CNTN3: variants seen among roughly 807,000 people sequenced by gnomAD.
CNTN3 encodes the protein contactin 3.
CNTN3 carries 60 observed loss-of-function variants against 119.1 expected under a neutral mutation model. The observed-to-expected ratio is 0.50, with a 90% CI of 0.41 to 0.62. The LOEUF (loss-of-function observed/expected upper bound fraction) is 0.62. Ranked by LOEUF, CNTN3 falls within the 20% of genes least tolerant of loss-of-function variation. The pLI is 0.00. For missense variants in CNTN3, 1,101 were observed against 1,242.4 expected (o/e 0.89, Z 1.71); for synonymous variants, 450 against 438.7 (o/e 1.03, Z -0.32).
chr3:74,543,425 T>C (rs950826483), intron 1 of CNTN3, among the ~76,000 whole-genome samples: 4 of 152,162 alleles, frequency 2.6e-5, no homozygotes, highest in African/African-American at 9.7e-5. Context: ...CTTATCTCTG[T>C]TTTCTAAAAG....
At chr3:74,438,537 G>T (rs1027862497) in intron 4 of CNTN3, among the ~76,000 whole-genome samples, 4 of 152,134 alleles carry the variant, frequency 2.6e-5, no homozygotes, top group African/African-American at 4.8e-5. Context: ...CTAAATTATT[G>T]CTTTCTCCTT....
chr3:74,551,754 CTTTTTTTTTTTTTTT>C (rs776621925), intron 1 of CNTN3, among the ~76,000 whole-genome samples: 980 of 60,292 alleles, frequency 0.016, 22 homozygotes, highest in Admixed American at 0.025. Context: ...TCTTCTTCTT[CTTTTTTTTTTTTTTT>C]TTTTTTTTTT....
chr3:74,434,667 A>G (rs1449407504), intron 4 of CNTN3, among the ~76,000 whole-genome samples: 1 of 152,244 alleles, frequency 6.6e-6, no homozygotes, highest in Non-Finnish European at 1.5e-5. Context: ...GTTCCCCATC[A>G]GTAAATTAAG....
intron 13 of CNTN3, among the ~76,000 whole-genome samples, chr3:74,327,105 C>CTTTTTTTTTTTTTTTT (rs1491284899): frequency 3.7e-3 from 339 of 90,670 alleles, no homozygotes; most frequent in East Asian, 5.1e-3. Context: ...AAGGGTTAAT[C>CTTTTTTTTTTTTTTTT]CTTTTTTTTT....
chr3:74,338,779 G>A (rs1703460961), intron 11 of CNTN3, among the ~76,000 whole-genome samples: 1 of 152,020 alleles, frequency 6.6e-6, no homozygotes, highest in Admixed American at 6.6e-5. Context: ...AAAAAGGTTT[G>A]AGAGCAATGA....
At chr3:74,460,313 C>A (rs4676969) in intron 4 of CNTN3, among the ~76,000 whole-genome samples, 107,554 of 151,772 alleles carry the variant, frequency 0.71, 38,478 homozygotes, top group African/African-American at 0.8. Flanking sequence ...CTAGCAAACA[C>A]AAAGACCTCC....
chr3:74,295,998 G>C (rs1056723340), intron 18 of CNTN3, among the ~76,000 whole-genome samples: 3 of 152,088 alleles, frequency 2.0e-5, no homozygotes, highest in African/African-American at 7.2e-5. Flanking sequence ...TTGGTTTGGA[G>C]AGTCGAGGAG....
intron 2 of CNTN3, 150 bp from the exon 3 acceptor site, chr3:74,499,935 T>A: frequency 1.4e-6 from 1 of 690,364 alleles, no homozygotes; most frequent in Non-Finnish European, 2.2e-6. Flanking sequence ...ATTGTTTTGT[T>A]AAAGGAAATC....
At chr3:74,579,066 A>C (rs970431477) in intron 1 of CNTN3, among the ~76,000 whole-genome samples, 1 of 152,016 alleles carries the variant, frequency 6.6e-6, no homozygotes, top group African/African-American at 2.4e-5. Context: ...AGGTTGAAAA[A>C]ATTTCCATGT....
chr3:74,345,817 C>T (rs943661981), intron 11 of CNTN3, among the ~76,000 whole-genome samples: 4 of 152,104 alleles, frequency 2.6e-5, no homozygotes, highest in Non-Finnish European at 4.4e-5. Context: ...TCATTTGTTA[C>T]CACAAAGCTC....
chr3:74,295,602 T>G (rs895374703), intron 18 of CNTN3, among the ~76,000 whole-genome samples: 5 of 152,114 alleles, frequency 3.3e-5, no homozygotes, highest in African/African-American at 1.2e-4. Context: ...AGACGCTACT[T>G]AGTTTTCATT....
chr3:74,456,749 A>G (rs941342076), intron 4 of CNTN3, among the ~76,000 whole-genome samples: 1 of 152,102 alleles, frequency 6.6e-6, no homozygotes, highest in Non-Finnish European at 1.5e-5. Context: ...TCAATAAAAA[A>G]TTGCTGTGAT....
At position 74,484,797 on chromosome 3, in the gene CNTN3, G is replaced by A. The variant is rs544643360; in HGVS notation, c.358+1659C>T. ...CAGAAGACAACAGAGCAAAACACTC[G>A]GAATTCTCTGTTAAACAGCTCCAAG... On this transcript the variant is annotated intron_variant, in intron 4 of 22. Coordinates refer to ENST00000263665, the MANE Select transcript of CNTN3 (RefSeq NM_020872.3). Among the ~76,000 whole-genome samples, 195 of 152,108 alleles carry A rather than the reference G, an allele frequency of 1.3e-3. 1 individual carries two copies. The highest frequency in any genetic ancestry group is 4.4e-3 in the African/African-American group (184 of 41,504).
At chr3:74,561,317 C>T (rs908139509) in intron 1 of CNTN3, among the ~76,000 whole-genome samples, 1 of 152,116 alleles carries the variant, frequency 6.6e-6, no homozygotes, top group Non-Finnish European at 1.5e-5. Context: ...GAACTTATTT[C>T]CCTGCTTAAA....
chr3:74,559,634 A>G (rs753981574), intron 1 of CNTN3, among the ~76,000 whole-genome samples: 2 of 151,950 alleles, frequency 1.3e-5, no homozygotes, highest in African/African-American at 2.4e-5. Context: ...AAAAAGCAGT[A>G]CTGAGCACAG....
chr3:74,327,776 TTTTTA>T (rs1703167287), intron 13 of CNTN3, among the ~76,000 whole-genome samples: 1 of 151,972 alleles, frequency 6.6e-6, no homozygotes, highest in African/African-American at 2.4e-5. Context: ...TTTAATTTCA[TTTTTA>T]TTTTAAATTA....
chr3:74,279,529 G>A (rs1442957866), intron 20 of CNTN3, among the ~76,000 whole-genome samples: 1 of 152,086 alleles, frequency 6.6e-6, no homozygotes, highest in Non-Finnish European at 1.5e-5. Context: ...TCTAAATGAA[G>A]TACCTCAGGA....
chr3:74,446,307 T>C (rs1702047359), intron 4 of CNTN3, among the ~76,000 whole-genome samples: 1 of 152,188 alleles, frequency 6.6e-6, no homozygotes, highest in African/African-American at 2.4e-5. Context: ...GTGACTTGCA[T>C]GCATTAATTG....
chr3:74,349,418 C>T (rs771012643), intron 11 of CNTN3, among the ~76,000 whole-genome samples: 1 of 152,170 alleles, frequency 6.6e-6, no homozygotes, highest in Non-Finnish European at 1.5e-5. Flanking sequence ...AAAGCTGGAC[C>T]TTGACTGATA....
Sources: allele counts gnomAD v4.1 joint callset (sites outside exome capture counted in the v4.1 genomes callset), GRCh38; gene constraint gnomAD v4.1.1; transcripts MANE v1.5; gene names NCBI Gene and HGNC (gene_info 2026-07-23, HGNC 2026-07-21).